HS3ST3A1: variants seen among roughly 807,000 people sequenced by gnomAD.
The protein encoded by HS3ST3A1 is heparan sulfate glucosamine 3-O-sulfotransferase 3A1.
HS3ST3A1 carries 19 observed loss-of-function variants against 25.7 expected under a neutral mutation model. The ratio of observed to expected loss-of-function variants is 0.74; its 90% confidence interval spans 0.52 to 1.08. The LOEUF (loss-of-function observed/expected upper bound fraction) is 1.08. Ranked by LOEUF, HS3ST3A1 falls within the 50% of genes least tolerant of loss-of-function variation. The probability of loss-of-function intolerance (pLI) is 0.00; values close to 1 mark genes in which losing one functional copy is unlikely to be tolerated. For missense variants in HS3ST3A1, 459 were observed against 594.3 expected, an observed-to-expected ratio of 0.77 and a Z score of 2.37; for synonymous variants, 226 against 278.6, an observed-to-expected ratio of 0.81 and a Z score of 1.88.
intron 1 of HS3ST3A1, among the ~76,000 whole-genome samples, chr17:13,594,698 G>A (rs779237096): frequency 1.3e-5 from 2 of 150,894 alleles, no homozygotes; most frequent in African/African-American, 4.9e-5. Flanking sequence ...TCAGTTTATT[G>A]TGAAGCCAAA....
At chr17:13,572,975 G>A (rs1270125584) in intron 1 of HS3ST3A1, among the ~76,000 whole-genome samples, 1 of 152,184 alleles carries the variant, frequency 6.6e-6, no homozygotes, top group Non-Finnish European at 1.5e-5. Flanking sequence ...GGACTTTTAT[G>A]TGGAGTCCTG....
intron 1 of HS3ST3A1, among the ~76,000 whole-genome samples, chr17:13,552,035 C>G (rs1907259360): frequency 6.6e-6 from 1 of 152,146 alleles, no homozygotes; most frequent in Non-Finnish European, 1.5e-5. Flanking sequence ...GATTTTATTG[C>G]TGTGTGACTG....
intron 1 of HS3ST3A1, among the ~76,000 whole-genome samples, chr17:13,570,377 CT>C (rs1213909991): frequency 7.3e-5 from 11 of 151,020 alleles, no homozygotes; most frequent in African/African-American, 2.7e-4. Flanking sequence ...TTCTAATACG[CT>C]TTTTCATGAT....
chr17:13,585,349 A>C (rs1323287122), intron 1 of HS3ST3A1, among the ~76,000 whole-genome samples: 2 of 150,756 alleles, frequency 1.3e-5, no homozygotes, highest in African/African-American at 2.4e-5. Context: ...GCAGGCATGC[A>C]CCACCACGCC....
At chr17:13,540,054 C>G (rs371722605) in intron 1 of HS3ST3A1, among the ~76,000 whole-genome samples, 1 of 152,226 alleles carries the variant, frequency 6.6e-6, no homozygotes, top group African/African-American at 2.4e-5. Flanking sequence ...TGATAGACTT[C>G]TCTTTTGTGT....
intron 1 of HS3ST3A1, among the ~76,000 whole-genome samples, chr17:13,582,066 GCAAA>G (rs1170161408): frequency 6.6e-6 from 1 of 151,696 alleles, no homozygotes; most frequent in Non-Finnish European, 1.5e-5. Flanking sequence ...GACTTTCCTG[GCAAA>G]CAGTTTGACC....
intron 1 of HS3ST3A1, among the ~76,000 whole-genome samples, chr17:13,540,551 G>T (rs1215547375): frequency 6.6e-6 from 1 of 152,180 alleles, no homozygotes; most frequent in Non-Finnish European, 1.5e-5. Context: ...ACTTTTAAGT[G>T]CTCCTGCTGT....
intron 1 of HS3ST3A1, among the ~76,000 whole-genome samples, chr17:13,589,868 C>A (rs911000509): frequency 6.6e-6 from 1 of 152,160 alleles, no homozygotes; most frequent in African/African-American, 2.4e-5. Context: ...ATCCAGTTCC[C>A]TTTTGTTAAA....
intron 1 of HS3ST3A1, among the ~76,000 whole-genome samples, chr17:13,562,405 G>A (rs1418584687): frequency 6.6e-6 from 1 of 152,122 alleles, no homozygotes; most frequent in Non-Finnish European, 1.5e-5. Flanking sequence ...GGCTGCTCGG[G>A]CACACACGAG....
At chr17:13,591,359 C>T (rs186318076) in intron 1 of HS3ST3A1, among the ~76,000 whole-genome samples, 1 of 152,180 alleles carries the variant, frequency 6.6e-6, no homozygotes, top group Non-Finnish European at 1.5e-5. Flanking sequence ...GATTACATTT[C>T]TGACAACATA....
intron 1 of HS3ST3A1, among the ~76,000 whole-genome samples, chr17:13,557,098 T>C (rs541386436): frequency 5.9e-5 from 9 of 152,114 alleles, no homozygotes; most frequent in Non-Finnish European, 1.2e-4. Flanking sequence ...AACAAAAGGA[T>C]ACATACAAAG....
chr17:13,512,321 A>C lies in HS3ST3A1; in HGVS notation c.600-15503T>G, dbSNP rs112354752. 7.8e-4 allele frequency among the ~76,000 whole-genome samples: 113 copies of C among 144,734 alleles called. 2 individuals are homozygous for C. The highest frequency in any genetic ancestry group is 3.1e-3 in the Admixed American group (46 of 14,650). The allele number at this position is 144,734 out of a possible 152,430, so 95.0% of individuals were successfully genotyped here. On this transcript the variant is annotated intron_variant, in intron 1 of 1. Transcript: ENST00000284110. ...ACTCCGTCTCAAAAAAAAAAAAAAA[A>C]AAAAAACTGCATGATCCCATTTATA...
At chr17:13,555,603 A>C (rs1312462605) in intron 1 of HS3ST3A1, among the ~76,000 whole-genome samples, 17 of 152,316 alleles carry the variant, frequency 1.1e-4, no homozygotes, top group Non-Finnish European at 7.3e-5. Context: ...AGACTGTATT[A>C]AGAGCTTACT....
At chr17:13,548,987 G>A (rs9889522) in intron 1 of HS3ST3A1, among the ~76,000 whole-genome samples, 66,693 of 152,072 alleles carry the variant, frequency 0.44, 16,220 homozygotes, top group African/African-American at 0.66. Context: ...CTGGCCACCC[G>A]AGCCCGCAGC....
intron 1 of HS3ST3A1, among the ~76,000 whole-genome samples, chr17:13,509,538 C>G (rs1326000928): frequency 6.6e-6 from 1 of 151,968 alleles, no homozygotes; most frequent in Non-Finnish European, 1.5e-5. Flanking sequence ...GGATCTAAAG[C>G]CTGATCGATA....
intron 1 of HS3ST3A1, among the ~76,000 whole-genome samples, chr17:13,581,466 CAAA>C (rs71144975): frequency 2.8e-4 from 34 of 121,996 alleles, no homozygotes; most frequent in African/African-American, 4.2e-4. Flanking sequence ...GACTCTATCT[CAAA>C]AAAAAAAAAA....
At chr17:13,575,626 C>G (rs538270531) in intron 1 of HS3ST3A1, among the ~76,000 whole-genome samples, 168 of 152,236 alleles carry the variant, frequency 1.1e-3, no homozygotes, top group African/African-American at 3.9e-3. Flanking sequence ...AAGACCAAAC[C>G]AGAGGTTAGC....
intron 1 of HS3ST3A1, among the ~76,000 whole-genome samples, chr17:13,516,772 T>A (rs147877923): frequency 5.8e-4 from 89 of 152,334 alleles, no homozygotes; most frequent in Non-Finnish European, 1.0e-3. Context: ...AACAGATCAA[T>A]GTATTTACAC....
intron 1 of HS3ST3A1, among the ~76,000 whole-genome samples, chr17:13,508,406 T>C (rs1272989109): frequency 6.6e-6 from 1 of 151,962 alleles, no homozygotes; most frequent in Admixed American, 6.6e-5. Context: ...GATCAAAGAG[T>C]CCTCCTGGAA....
Sources: gnomAD v4.1 joint callset for allele counts (sites outside exome capture counted in the v4.1 genomes callset) on GRCh38, gnomAD v4.1.1 for gene constraint, MANE v1.5 for transcripts, NCBI Gene and HGNC (gene_info 2026-07-23, HGNC 2026-07-21) for gene names.